RAB3B: variants seen among roughly 807,000 people sequenced by gnomAD.
RAB3B encodes ras-related protein Rab-3B.
In RAB3B, 11 loss-of-function variants were observed where a neutral mutation model predicts 20.5. That is an observed-to-expected ratio of 0.54 (90% CI 0.34 to 0.89). The LOEUF (loss-of-function observed/expected upper bound fraction) is 0.89. RAB3B is among the 40% of genes least tolerant of loss of function. RAB3B has a pLI of 0.02. For missense variants in RAB3B, 225 were observed against 280.9 expected, an observed-to-expected ratio of 0.80 and a Z score of 1.42; for synonymous variants, 99 against 106.3, an observed-to-expected ratio of 0.93 and a Z score of 0.42.
chr1:51,952,453 C>T lies in RAB3B; in HGVS notation c.229-15041G>A, dbSNP rs1175857739. 2.6e-5 allele frequency among the ~76,000 whole-genome samples: 4 copies of T among 151,952 alleles called. No individual in the cohort carries two copies. In the East Asian group the frequency reaches 7.7e-4, roughly 29 times the overall value. On this transcript the variant is annotated intron_variant, in intron 2 of 4. Transcript: ENST00000371655. Reference sequence around the variant, plus strand: ...GTCATAGGGCTTCCTTGCATTGTTCCTCAATGTATGTGGCATATCTTAGGT... The same window carrying T: ...GTCATAGGGCTTCCTTGCATTGTTCTTCAATGTATGTGGCATATCTTAGGT...
At chr1:51,920,739 T>C (rs980464673) in intron 4 of RAB3B, among the ~76,000 whole-genome samples, 6 of 152,266 alleles carry the variant, frequency 3.9e-5, no homozygotes, top group African/African-American at 1.4e-4. Context: ...GCAGGGATTT[T>C]CCTCCTCTTT....
chr1:51,942,635 C>T (rs1684508886), intron 2 of RAB3B, among the ~76,000 whole-genome samples: 1 of 152,140 alleles, frequency 6.6e-6, no homozygotes, highest in Non-Finnish European at 1.5e-5. Context: ...TCTCTTTGGG[C>T]AACTTACCTA....
chr1:51,954,622 A>C (rs1462691239), intron 2 of RAB3B, among the ~76,000 whole-genome samples: 4 of 152,182 alleles, frequency 2.6e-5, no homozygotes, highest in Non-Finnish European at 4.4e-5. Context: ...TTCATGTACT[A>C]CTTATTCTCC....
chr1:51,927,429 C>G (rs1354291313), intron 4 of RAB3B, among the ~76,000 whole-genome samples: 2 of 152,178 alleles, frequency 1.3e-5, no homozygotes, highest in African/African-American at 4.8e-5. Context: ...CTCCTAATTC[C>G]TAGTCTGGGC....
intron 2 of RAB3B, among the ~76,000 whole-genome samples, chr1:51,951,854 G>A (rs1684646512): frequency 4.6e-5 from 7 of 152,158 alleles, no homozygotes; most frequent in Admixed American, 4.6e-4. Context: ...GAACACTTAG[G>A]TAGCAACTGG....
rs1683970289 is a variant in RAB3B, at chr1:51,909,712, G to A, written c.*10215C>T. On this transcript the variant is annotated 3_prime_UTR_variant, in exon 5 of 5. Transcript: ENST00000371655. The stretch of plus-strand genomic sequence containing the variant: ...CATTTTCCTGGACTCTCCTCCCTTG[G>A]TCCTGACTGGATTCTTCTACCCTGA... 1 of 152,174 alleles carries A rather than the reference G, an allele frequency of 6.6e-6. No individual in the cohort carries two copies. The highest frequency in any genetic ancestry group is 1.5e-5 in the Non-Finnish European group (1 of 68,106). The allele number at this position is 152,174 out of a possible 1,614,324, so 9.4% of individuals were successfully genotyped here.
chr1:51,936,611 T>C (rs557971157), intron 3 of RAB3B, among the ~76,000 whole-genome samples: 2 of 152,134 alleles, frequency 1.3e-5, no homozygotes, highest in Non-Finnish European at 2.9e-5. Flanking sequence ...CCTTTGCACA[T>C]CTGTACTCAT....
At chr1:51,937,166 G>C in intron 3 of RAB3B, 128 bp downstream of exon 3, 1 of 672,718 alleles carries the variant, frequency 1.5e-6, no homozygotes, top group Non-Finnish European at 2.5e-6. Flanking sequence ...GCTCTCGTCT[G>C]TAAACTCCTG....
intron 1 of RAB3B, among the ~76,000 whole-genome samples, chr1:51,978,839 T>C (rs536502947): frequency 1.3e-5 from 2 of 152,330 alleles, no homozygotes; most frequent in South Asian, 4.1e-4. Context: ...GTGTGGCTCT[T>C]TGGGCCTCTC....
rs1458606233 is a variant in RAB3B at position 51,907,980 on chromosome 1, A to ACATGG, written c.*11946_*11947insCCATG. On this transcript the variant is annotated 3_prime_UTR_variant, in exon 5 of 5. Transcript: ENST00000371655. ...ACACAATTCAGAAGAACTTTAATGC[A>ACATGG]TATACCATCATTGCCACTATAATAG... The ACATGG allele has an allele frequency of 6.6e-6, 1 of 152,212 alleles. No individual in the cohort carries two copies. 9.4% of individuals were successfully genotyped at this position (152,212 alleles called of 1,614,324 possible).
Position 51,989,924 on chromosome 1 carries a change from C to T in RAB3B, c.-1+628G>A, listed in dbSNP as rs550236309. ...ATGACCCTCTTTCGACCAGACACTG[C>T]CCTGCTGCCTTTCTCCTTCCCAGCT... On this transcript the variant is annotated intron_variant, in intron 1 of 4. Coordinates refer to ENST00000371655, the MANE Select transcript of RAB3B (RefSeq NM_002867.4). Among the ~76,000 whole-genome samples the T allele has an allele frequency of 7.7e-4, 116 of 151,260 alleles. 1 individual carries two copies. Among genetic ancestry groups the T allele is most frequent in the African/African-American group, 2.3e-3 (95 of 41,188 alleles).
chr1:51,969,069 C>T (rs1373028077), intron 2 of RAB3B, among the ~76,000 whole-genome samples: 1 of 152,150 alleles, frequency 6.6e-6, no homozygotes. Flanking sequence ...CCTAGGCAGG[C>T]AGATCACTTG....
intron 2 of RAB3B, among the ~76,000 whole-genome samples, chr1:51,944,504 C>G (rs1306636036): frequency 1.3e-5 from 2 of 152,194 alleles, no homozygotes; most frequent in Non-Finnish European, 2.9e-5. Flanking sequence ...ATTCACCATT[C>G]TACCATTAAG....
chr1:51,976,826 A>C, intron 2 of RAB3B, 64 bp downstream of exon 2: 2 of 1,454,356 alleles, frequency 1.4e-6, no homozygotes, highest in Non-Finnish European at 1.9e-6. Context: ...CCCACCTCTA[A>C]GCCCTTGTAC....
At chr1:51,938,920 C>T (rs1288948549) in intron 2 of RAB3B, among the ~76,000 whole-genome samples, 1 of 152,146 alleles carries the variant, frequency 6.6e-6, no homozygotes, top group African/African-American at 2.4e-5. Flanking sequence ...CTTAGCCTCC[C>T]AAAGTGCTAG....
At chr1:51,944,829 T>C (rs896821811) in intron 2 of RAB3B, among the ~76,000 whole-genome samples, 1 of 152,184 alleles carries the variant, frequency 6.6e-6, no homozygotes, top group African/African-American at 2.4e-5. Context: ...ATCCTTGAAA[T>C]GACAACAAAG....
At chr1:51,951,932 C>T (rs1223189924) in intron 2 of RAB3B, among the ~76,000 whole-genome samples, 1 of 152,218 alleles carries the variant, frequency 6.6e-6, no homozygotes, top group Admixed American at 6.5e-5. Context: ...TCTAAAGCGC[C>T]TCCCTGCCCT....
Position 51,917,943 on chromosome 1 carries a change from ACTC to A in RAB3B, c.*1981_*1983del, listed in dbSNP as rs1347966530. 2 of 151,770 alleles carry A rather than the reference ACTC, an allele frequency of 1.3e-5. No homozygotes were observed. Among genetic ancestry groups the A allele is most frequent in the South Asian group, 4.2e-4 (2 of 4,794 alleles). 9.4% of individuals were successfully genotyped at this position (151,770 alleles called of 1,614,324 possible). ...GAAATGAAAAGAAAACTGGCGAGAG[ACTC>A]CTCCTGCCCGCTGACTTTTGAGGTG... On this transcript the variant is annotated 3_prime_UTR_variant, in exon 5 of 5. Coordinates refer to ENST00000371655, the MANE Select transcript of RAB3B (RefSeq NM_002867.4).
intron 4 of RAB3B, among the ~76,000 whole-genome samples, chr1:51,932,658 T>A (rs1245732617): frequency 6.6e-6 from 1 of 152,238 alleles, no homozygotes; most frequent in Non-Finnish European, 1.5e-5. Context: ...AGATAAACTG[T>A]AAGAACAGCA....
Sources: gnomAD v4.1 joint callset for allele counts (sites outside exome capture counted in the v4.1 genomes callset) on GRCh38, gnomAD v4.1.1 for gene constraint, MANE v1.5 for transcripts, NCBI Gene and HGNC (gene_info 2026-07-23, HGNC 2026-07-21) for gene names.